GRM5: variants seen among roughly 807,000 people sequenced by gnomAD.
GRM5 encodes glutamate metabotropic receptor 5.
GRM5 carries 19 observed loss-of-function variants against 83.1 expected under a neutral mutation model. That is an observed-to-expected ratio of 0.23 (90% CI 0.16 to 0.34). The LOEUF is 0.34. Among genes scored for constraint, GRM5 ranks in the 10% least tolerant of loss-of-function variants. The pLI is 1.00. For missense variants in GRM5, 1,160 were observed against 1,588.3 expected (o/e 0.73, Z 4.58); for synonymous variants, 675 against 633.6 (o/e 1.07, Z -0.98).
At chr11:88,651,858 A>T (rs965944784) in intron 4 of GRM5, among the ~76,000 whole-genome samples, 1 of 152,080 alleles carries the variant, frequency 6.6e-6, no homozygotes, top group Admixed American at 6.6e-5. Context: ...TACATTTAAA[A>T]ACAATCACAA....
intron 3 of GRM5, among the ~76,000 whole-genome samples, chr11:88,766,760 A>C (rs896303368): frequency 6.6e-6 from 1 of 152,118 alleles, no homozygotes; most frequent in Non-Finnish European, 1.5e-5. Context: ...CAGAGTAAAC[A>C]GACAACCTAC....
At chr11:88,868,826 C>A (rs891634667) in intron 2 of GRM5, among the ~76,000 whole-genome samples, 1 of 151,744 alleles carries the variant, frequency 6.6e-6, no homozygotes, top group African/African-American at 2.4e-5. Flanking sequence ...CAAATTGGAA[C>A]AGATATAACC....
chr11:88,746,570 C>CAAAA (rs11302390), intron 3 of GRM5, among the ~76,000 whole-genome samples: 2,239 of 147,564 alleles, frequency 0.015, 32 homozygotes, highest in East Asian at 0.051. Context: ...ATTCTGGAGA[C>CAAAA]AAAAAAAAAA....
chr11:88,889,171 T>C (rs1429148605), intron 2 of GRM5, among the ~76,000 whole-genome samples: 1 of 152,182 alleles, frequency 6.6e-6, no homozygotes, highest in Non-Finnish European at 1.5e-5. Flanking sequence ...TCCAGCTGTG[T>C]GACTCCTAAG....
chr11:88,892,224 G>A (rs1372916500), intron 2 of GRM5, among the ~76,000 whole-genome samples: 1 of 150,788 alleles, frequency 6.6e-6, no homozygotes, highest in Non-Finnish European at 1.5e-5. Flanking sequence ...GCTTTGACAG[G>A]AAGTGTATGC....
At chr11:89,017,720 A>G (rs532372583) in intron 2 of GRM5, among the ~76,000 whole-genome samples, 1 of 152,332 alleles carries the variant, frequency 6.6e-6, no homozygotes, top group East Asian at 1.9e-4. Context: ...TCTCACAAGT[A>G]CTATATCAGA....
chr11:88,649,340 C>T (rs1939566016), intron 4 of GRM5, among the ~76,000 whole-genome samples: 2 of 137,504 alleles, frequency 1.5e-5, no homozygotes, highest in Non-Finnish European at 3.1e-5. Context: ...ACATATATTA[C>T]ATATTACATA....
intron 8 of GRM5, among the ~76,000 whole-genome samples, chr11:88,551,946 G>C (rs1185313081): frequency 2.0e-5 from 3 of 152,096 alleles, no homozygotes; most frequent in African/African-American, 7.2e-5. Context: ...TTCTTCTATG[G>C]TGTGTGAGGT....
intron 2 of GRM5, among the ~76,000 whole-genome samples, chr11:88,892,682 C>T (rs1304385543): frequency 6.6e-6 from 1 of 151,940 alleles, no homozygotes. Flanking sequence ...GTCATTAAAT[C>T]CTAGTCACAA....
chr11:88,776,838 G>A (rs1942863170), intron 3 of GRM5, among the ~76,000 whole-genome samples: 1 of 152,312 alleles, frequency 6.6e-6, no homozygotes, highest in East Asian at 1.9e-4. Flanking sequence ...CCCTTTGTGG[G>A]TAACTTGACC....
intron 3 of GRM5, among the ~76,000 whole-genome samples, chr11:88,747,788 TCAACCACCTTCTG>T (rs1942174387): frequency 1.3e-5 from 2 of 148,996 alleles, no homozygotes; most frequent in African/African-American, 2.4e-5. Context: ...TAATAGTTGT[TCAACCACCTTCTG>T]CTTAGAAACT....
intron 1 of GRM5, among the ~76,000 whole-genome samples, chr11:89,051,379 T>C (rs541879864): frequency 6.6e-6 from 1 of 151,894 alleles, no homozygotes; most frequent in African/African-American, 2.4e-5. Context: ...GCAAGAAAGG[T>C]CCAGGCCATG....
chr11:88,792,046 T>C (rs1943183933), intron 3 of GRM5, among the ~76,000 whole-genome samples: 1 of 152,086 alleles, frequency 6.6e-6, no homozygotes, highest in African/African-American at 2.4e-5. Flanking sequence ...TGGGAGAGCA[T>C]GTTAGTCAGA....
intron 3 of GRM5, among the ~76,000 whole-genome samples, chr11:88,794,569 C>G (rs1341988674): frequency 6.6e-6 from 1 of 152,160 alleles, no homozygotes; most frequent in Non-Finnish European, 1.5e-5. Flanking sequence ...AGTTAGAAAT[C>G]TATTCCAGTT....
chr11:88,632,830 T>C (rs1465309963), intron 4 of GRM5, among the ~76,000 whole-genome samples: 1 of 152,230 alleles, frequency 6.6e-6, no homozygotes, highest in African/African-American at 2.4e-5. Flanking sequence ...TTCCTCAACA[T>C]TCTTCCCAAC....
At chr11:88,903,499 G>A (rs1455078667) in intron 2 of GRM5, among the ~76,000 whole-genome samples, 1 of 152,094 alleles carries the variant, frequency 6.6e-6, no homozygotes, top group Non-Finnish European at 1.5e-5. Context: ...ATCAACCTAA[G>A]TGTCTATCAA....
chr11:88,957,374 C>A (rs1301318490), intron 2 of GRM5, among the ~76,000 whole-genome samples: 1 of 152,154 alleles, frequency 6.6e-6, no homozygotes, highest in East Asian at 1.9e-4. Context: ...TTCCATTTTA[C>A]CAAAAGCAAT....
chr11:88,962,185 T>A (rs190540498), intron 2 of GRM5, among the ~76,000 whole-genome samples: 1 of 152,342 alleles, frequency 6.6e-6, no homozygotes, highest in Non-Finnish European at 1.5e-5. Flanking sequence ...CAGTTATATA[T>A]GTATGTAGGA....
At chr11:88,605,623 T>C (rs10831155) in intron 4 of GRM5, among the ~76,000 whole-genome samples, 21,589 of 152,130 alleles carry the variant, frequency 0.14, 1,976 homozygotes, top group African/African-American at 0.26. Flanking sequence ...ATGGAGCTTG[T>C]ACATAAGAAA....
Sources: allele counts gnomAD v4.1 joint callset (sites outside exome capture counted in the v4.1 genomes callset), GRCh38; gene constraint gnomAD v4.1.1; transcripts MANE v1.5; gene names NCBI Gene and HGNC (gene_info 2026-07-23, HGNC 2026-07-21).